Variants in CNTN4 observed in about 807,000 individuals in gnomAD.
CNTN4 encodes contactin 4, also known as contactin-4.
A neutral mutation model predicts 122.5 loss-of-function variants in CNTN4; 77 were observed. That is an observed-to-expected ratio of 0.63 (90% CI 0.52 to 0.76). The LOEUF (loss-of-function observed/expected upper bound fraction) is 0.76, where lower values mean the gene tolerates loss of function less well. Ranked by LOEUF, CNTN4 falls within the 30% of genes least tolerant of loss-of-function variation. The pLI is 0.00. For missense variants in CNTN4, 1,256 were observed against 1,259.1 expected, an observed-to-expected ratio of 1.00 and a Z score of 0.04; for synonymous variants, 512 against 447.0, an observed-to-expected ratio of 1.15 and a Z score of -1.83.
At chr3:2,372,133 C>G (rs2045654033) in intron 3 of CNTN4, among the ~76,000 whole-genome samples, 1 of 152,188 alleles carries the variant, frequency 6.6e-6, no homozygotes, top group African/African-American at 2.4e-5. Context: ...TGATCACTCT[C>G]AAAATAATCT....
intron 2 of CNTN4, among the ~76,000 whole-genome samples, chr3:2,333,904 C>G (rs891520152): frequency 2.0e-5 from 1 of 50,810 alleles, no homozygotes; most frequent in Non-Finnish European, 6.3e-5. Flanking sequence ...TTTTAACTAC[C>G]TGTGAAGGAA....
intron 2 of CNTN4, among the ~76,000 whole-genome samples, chr3:2,179,036 TACTC>T (rs1377445594): frequency 6.6e-6 from 1 of 152,066 alleles, no homozygotes; most frequent in African/African-American, 2.4e-5. Context: ...CCTGCCATCT[TACTC>T]ACATTTCTAA....
chr3:2,887,588 T>G (rs994578079), intron 10 of CNTN4, among the ~76,000 whole-genome samples: 1 of 152,202 alleles, frequency 6.6e-6, no homozygotes, highest in Non-Finnish European at 1.5e-5. Context: ...AGCTCTGTGC[T>G]TTTCTTCATT....
intron 3 of CNTN4, among the ~76,000 whole-genome samples, chr3:2,447,273 C>T (rs1490869726): frequency 6.6e-6 from 1 of 152,130 alleles, no homozygotes; most frequent in Admixed American, 6.5e-5. Flanking sequence ...ATTCCAAGTA[C>T]ATGCCTGTTG....
rs180707941 is a variant in CNTN4 at position 2,941,941 on chromosome 3, C to T, written c.1358+16162C>T. On this transcript the variant is annotated intron_variant, in intron 13 of 24. Transcript: ENST00000418658. ...CTGAGGCCGTGTATACCGCACTTCT[C>T]ACTATAACACCAGTGCCTCCTTTCC... 2.6e-5 allele frequency among the ~76,000 whole-genome samples: 4 copies of T among 152,330 alleles called. No individual in the cohort carries two copies. In the East Asian group the frequency reaches 7.7e-4, roughly 29 times the overall value.
chr3:3,051,603 C>G (rs1254897015), intron 23 of CNTN4, among the ~76,000 whole-genome samples: 1 of 152,176 alleles, frequency 6.6e-6, no homozygotes, highest in Non-Finnish European at 1.5e-5. Flanking sequence ...CTGAATGTGC[C>G]TGAGGATTTA....
chr3:2,697,556 A>T (rs1216826421), intron 4 of CNTN4, among the ~76,000 whole-genome samples: 1 of 152,196 alleles, frequency 6.6e-6, no homozygotes, highest in Non-Finnish European at 1.5e-5. Flanking sequence ...CACAAAGAAG[A>T]GCCTACCTGA....
intron 4 of CNTN4, among the ~76,000 whole-genome samples, chr3:2,665,785 G>T (rs936079929): frequency 6.6e-6 from 1 of 152,070 alleles, no homozygotes; most frequent in Non-Finnish European, 1.5e-5. Context: ...CCTTTAGCTG[G>T]ATACTTGATA....
chr3:2,960,642 A>G (rs1248100738), intron 13 of CNTN4, among the ~76,000 whole-genome samples: 1 of 152,228 alleles, frequency 6.6e-6, no homozygotes, highest in Non-Finnish European at 1.5e-5. Flanking sequence ...AGTTCATTAT[A>G]TGAAAAACGG....
chr3:2,354,297 G>A (rs560253887), intron 3 of CNTN4, among the ~76,000 whole-genome samples: 18 of 152,270 alleles, frequency 1.2e-4, no homozygotes, highest in African/African-American at 4.3e-4. Flanking sequence ...TTGGGAGGCC[G>A]AGGCAGGCGG....
At chr3:2,114,036 A>G (rs1430351664) in intron 2 of CNTN4, among the ~76,000 whole-genome samples, 2 of 152,218 alleles carry the variant, frequency 1.3e-5, no homozygotes, top group Non-Finnish European at 2.9e-5. Context: ...TGTAAAAAGA[A>G]AACTCAAATT....
intron 13 of CNTN4, among the ~76,000 whole-genome samples, chr3:2,981,307 G>A (rs1180280405): frequency 2.6e-5 from 4 of 151,790 alleles, no homozygotes; most frequent in Admixed American, 6.6e-5. Flanking sequence ...AGCCGGGCGT[G>A]GTGGCGGGCG....
intron 12 of CNTN4, among the ~76,000 whole-genome samples, chr3:2,920,939 A>T (rs1180026764): frequency 6.6e-6 from 1 of 152,216 alleles, no homozygotes; most frequent in Non-Finnish European, 1.5e-5. Flanking sequence ...GATATTAGGA[A>T]CACTAGAAGG....
intron 6 of CNTN4, among the ~76,000 whole-genome samples, chr3:2,781,142 T>G (rs902287142): frequency 6.6e-6 from 1 of 152,124 alleles, no homozygotes; most frequent in Non-Finnish European, 1.5e-5. Context: ...GTTGAAACAG[T>G]GTATCCACCT....
chr3:2,836,682 G>A (rs558217842), intron 7 of CNTN4, among the ~76,000 whole-genome samples: 4 of 151,296 alleles, frequency 2.6e-5, no homozygotes, highest in African/African-American at 9.7e-5. Flanking sequence ...ATAAGTATTT[G>A]CTCAAAATAT....
chr3:2,923,984 T>C (rs1200660762), intron 12 of CNTN4, among the ~76,000 whole-genome samples: 1 of 152,148 alleles, frequency 6.6e-6, no homozygotes, highest in Non-Finnish European at 1.5e-5. Flanking sequence ...ACTCTACTTA[T>C]TAATTGCACT....
intron 2 of CNTN4, among the ~76,000 whole-genome samples, chr3:2,262,894 A>G (rs1197899635): frequency 6.6e-6 from 1 of 152,154 alleles, no homozygotes; most frequent in Non-Finnish European, 1.5e-5. Context: ...TGTCAGACAT[A>G]GCTTTTGTCC....
At chr3:3,000,605 A>G (rs935021219) in intron 14 of CNTN4, among the ~76,000 whole-genome samples, 1 of 152,260 alleles carries the variant, frequency 6.6e-6, no homozygotes, top group Non-Finnish European at 1.5e-5. Context: ...CTCTAGGGAA[A>G]TATGGCAGAA....
At chr3:2,446,373 G>A (rs1162005862) in intron 3 of CNTN4, among the ~76,000 whole-genome samples, 1 of 152,066 alleles carries the variant, frequency 6.6e-6, no homozygotes. Flanking sequence ...AAACAAATGT[G>A]ATGTTAATGA....
Sources: gnomAD v4.1 joint callset for allele counts (sites outside exome capture counted in the v4.1 genomes callset) on GRCh38, gnomAD v4.1.1 for gene constraint, MANE v1.5 for transcripts, NCBI Gene and HGNC (gene_info 2026-07-23, HGNC 2026-07-21) for gene names.